The following NSMCE2 variants were observed in gnomAD, a reference collection of about 807,000 sequenced individuals.
NSMCE2 encodes the protein E3 SUMO-protein ligase NSE2.
A neutral mutation model predicts 23.8 loss-of-function variants in NSMCE2; 24 were observed. The ratio of observed to expected loss-of-function variants is 1.01; its 90% CI spans 0.73 to 1.42. The LOEUF (loss-of-function observed/expected upper bound fraction) is 1.42, where lower values mean the gene tolerates loss of function less well. NSMCE2 is among the 40% of genes most tolerant of loss of function. The pLI, the probability that NSMCE2 is intolerant of heterozygous loss-of-function variation, is 0.00. For synonymous variants in NSMCE2, 92 were observed against 94.1 expected (o/e 0.98, Z 0.13); for missense variants, 284 against 296.5 (o/e 0.96, Z 0.31).
intron 1 of NSMCE2, among the ~76,000 whole-genome samples, chr8:125,092,163 G>T (rs1305469518): frequency 1.3e-5 from 2 of 152,164 alleles, no homozygotes; most frequent in Non-Finnish European, 2.9e-5. Flanking sequence ...GTGTGTAGGG[G>T]CAAGATTACG....
intron 5 of NSMCE2, among the ~76,000 whole-genome samples, chr8:125,293,360 A>G (rs1163693127): frequency 1.3e-5 from 2 of 152,252 alleles, no homozygotes; most frequent in Admixed American, 1.3e-4. Context: ...TTTGAAGGAC[A>G]TAATTGTATT....
At chr8:125,270,382 T>C (rs1321016618) in intron 5 of NSMCE2, among the ~76,000 whole-genome samples, 1 of 152,116 alleles carries the variant, frequency 6.6e-6, no homozygotes, top group African/African-American at 2.4e-5. Flanking sequence ...TGAGAATCAC[T>C]TGAACCCAGG....
chr8:125,109,095 A>G (rs1465067942), intron 3 of NSMCE2, among the ~76,000 whole-genome samples: 2 of 152,192 alleles, frequency 1.3e-5, no homozygotes, highest in African/African-American at 4.8e-5. Context: ...ATTGTAACTA[A>G]GGTAAAAAGG....
chr8:125,272,754 C>T (rs189239219), intron 5 of NSMCE2, among the ~76,000 whole-genome samples: 8 of 139,950 alleles, frequency 5.7e-5, no homozygotes, highest in South Asian at 2.2e-4. Context: ...TATATACACA[C>T]GTATATATAT....
At chr8:125,224,671 A>C (rs1041242878) in intron 5 of NSMCE2, among the ~76,000 whole-genome samples, 1 of 152,184 alleles carries the variant, frequency 6.6e-6, no homozygotes, top group African/African-American at 2.4e-5. Context: ...GAGTGGTAAC[A>C]ATTTTAACTA....
chr8:125,348,445 T>C (rs997446062), intron 5 of NSMCE2: 3 of 152,220 alleles, frequency 2.0e-5, no homozygotes, highest in Non-Finnish European at 2.9e-5. Context: ...CTGCGAAATG[T>C]CTTCACATAC....
chr8:125,263,351 G>A (rs10956234), intron 5 of NSMCE2, among the ~76,000 whole-genome samples: 129,243 of 152,142 alleles, frequency 0.85, 54,960 homozygotes, highest in Middle Eastern at 0.92. Context: ...AGTTATACCT[G>A]CTGGCTCATG....
chr8:125,096,143 A>G (rs6995096), intron 1 of NSMCE2, among the ~76,000 whole-genome samples: 50,012 of 152,042 alleles, frequency 0.33, 10,020 homozygotes, highest in African/African-American at 0.56. Flanking sequence ...TAAGGTCCCT[A>G]TGCTTGCCTG....
chr8:125,310,532 T>C (rs1828937954), intron 5 of NSMCE2, among the ~76,000 whole-genome samples: 1 of 152,198 alleles, frequency 6.6e-6, no homozygotes, highest in African/African-American at 2.4e-5. Context: ...TAAAGACCAA[T>C]ATCATAAAGT....
At chr8:125,107,542 T>C (rs1375263036) in intron 3 of NSMCE2, among the ~76,000 whole-genome samples, 4 of 152,126 alleles carry the variant, frequency 2.6e-5, no homozygotes, top group Non-Finnish European at 5.9e-5. Context: ...TATGAGTGCT[T>C]GGTAGAGAGG....
chr8:125,304,819 CA>C (rs151140438), intron 5 of NSMCE2, among the ~76,000 whole-genome samples: 8,292 of 149,042 alleles, frequency 0.056, 315 homozygotes, highest in Non-Finnish European at 0.086. Context: ...ACCCTGGAGG[CA>C]GAGGTTACAG....
intron 3 of NSMCE2, among the ~76,000 whole-genome samples, chr8:125,147,495 A>G (rs915148739): frequency 1.3e-5 from 2 of 152,204 alleles, no homozygotes; most frequent in Non-Finnish European, 2.9e-5. Context: ...TGGTCCCAAG[A>G]TATCAAGAGT....
chr8:125,357,254 G>C lies in NSMCE2; in HGVS notation c.454G>C (p.Glu152Gln). The stretch of plus-strand genomic sequence containing the variant: ...AGCTGACAGAGAAGCTGACGGAACA[G>C]AAGGAGTGGATGAAGATATAATTGT... Reference protein sequence around the residue: ...LQADREADGTEGVDEDIIVTQ... With the variant: ...LQADREADGTQGVDEDIIVTQ... The change falls in exon 6 of 8, where the codon GAA (glutamate) becomes CAA (glutamine). Residue 152 changes from glutamate (E) to glutamine (Q), a missense_variant. Glu to Gln is a conservative substitution (Grantham distance 29). Coordinates refer to ENST00000287437, the MANE Select transcript of NSMCE2 (RefSeq NM_173685.4). 1 of 1,613,838 alleles carries C rather than the reference G, an allele frequency of 6.2e-7. No individual in the cohort carries two copies. Among genetic ancestry groups the C allele is most frequent in the South Asian group, 1.1e-5 (1 of 91,080 alleles).
chr8:125,233,336 T>C (rs1418213031), intron 5 of NSMCE2, among the ~76,000 whole-genome samples: 1 of 152,232 alleles, frequency 6.6e-6, no homozygotes, highest in African/African-American at 2.4e-5. Context: ...TTTTTATTGA[T>C]CTTTTTAAAT....
intron 5 of NSMCE2, among the ~76,000 whole-genome samples, chr8:125,253,052 T>G (rs1437190643): frequency 1.6e-4 from 24 of 152,230 alleles, no homozygotes; most frequent in Non-Finnish European, 1.0e-4. Flanking sequence ...TGGCAAATGG[T>G]AAGCTCTCAG....
intron 3 of NSMCE2, among the ~76,000 whole-genome samples, chr8:125,130,754 G>A (rs114890369): frequency 1.4e-3 from 212 of 152,254 alleles, no homozygotes; most frequent in African/African-American, 4.8e-3. Context: ...GGGAACATGT[G>A]TTCACACCAT....
chr8:125,232,897 A>G (rs1825388120), intron 5 of NSMCE2, among the ~76,000 whole-genome samples: 1 of 152,232 alleles, frequency 6.6e-6, no homozygotes, highest in Non-Finnish European at 1.5e-5. Flanking sequence ...TTATTCTCTG[A>G]CAGGAACTAG....
intron 5 of NSMCE2, among the ~76,000 whole-genome samples, chr8:125,350,894 G>A (rs1377560523): frequency 6.6e-6 from 1 of 152,224 alleles, no homozygotes; most frequent in African/African-American, 2.4e-5. Flanking sequence ...AGACATGGGA[G>A]GTTGTGGCCC....
chr8:125,166,675 G>A (rs1316544616), intron 4 of NSMCE2, among the ~76,000 whole-genome samples: 1 of 152,192 alleles, frequency 6.6e-6, no homozygotes, highest in Admixed American at 6.5e-5. Context: ...AGATCCTCTA[G>A]TTGTGGAGGG....
Sources: allele counts gnomAD v4.1 joint callset (sites outside exome capture counted in the v4.1 genomes callset), GRCh38; gene constraint gnomAD v4.1.1; transcripts MANE v1.5; gene names NCBI Gene and HGNC (gene_info 2026-07-23, HGNC 2026-07-21).